The following AHCYL2 variants were observed in gnomAD, a reference collection of about 807,000 sequenced individuals.
AHCYL2 encodes the protein S-adenosylhomocysteine hydrolase-like protein 2.
Under a neutral mutation model 81.4 loss-of-function variants are expected in AHCYL2, and 28 were observed. The ratio of observed to expected loss-of-function variants is 0.34; its 90% CI spans 0.25 to 0.47. The LOEUF (loss-of-function observed/expected upper bound fraction) is 0.47, where lower values mean the gene tolerates loss of function less well. AHCYL2 is among the 20% of genes least tolerant of loss of function. The pLI is 1.00. For missense variants in AHCYL2, 551 were observed against 785.1 expected (o/e 0.70, Z 3.56); for synonymous variants, 272 against 290.2 (o/e 0.94, Z 0.64).
intron 4 of AHCYL2, among the ~76,000 whole-genome samples, chr7:129,391,967 C>A (rs1329302862): frequency 2.0e-5 from 3 of 152,174 alleles, no homozygotes; most frequent in Non-Finnish European, 4.4e-5. Flanking sequence ...CCTGCTCAGT[C>A]AGCGACATGA....
chr7:129,372,714 T>G (rs1229678712), intron 1 of AHCYL2, among the ~76,000 whole-genome samples: 1 of 152,074 alleles, frequency 6.6e-6, no homozygotes, highest in Non-Finnish European at 1.5e-5. Context: ...CTCAGGAGGC[T>G]GAGGCAAGAG....
At chr7:129,330,328 A>G (rs146811228) in intron 1 of AHCYL2, among the ~76,000 whole-genome samples, 2,042 of 152,146 alleles carry the variant, frequency 0.013, 57 homozygotes, top group African/African-American at 0.046. Flanking sequence ...ATAGTGAAAA[A>G]TGGAAACAAT....
chr7:129,242,869 C>T (rs892328336), intron 1 of AHCYL2, among the ~76,000 whole-genome samples: 10 of 152,066 alleles, frequency 6.6e-5, no homozygotes, highest in African/African-American at 2.2e-4. Flanking sequence ...CAGGTAGTAT[C>T]TCTGTTGTTT....
At chr7:129,334,543 G>A (rs1798528041) in intron 1 of AHCYL2, among the ~76,000 whole-genome samples, 1 of 152,118 alleles carries the variant, frequency 6.6e-6, no homozygotes, top group Non-Finnish European at 1.5e-5. Flanking sequence ...TATCTACCTT[G>A]CCGGAAGCTC....
Position 129,422,889 on chromosome 7 carries a change from T to G in AHCYL2, c.1511T>G (p.Val504Gly). The G allele has an allele frequency of 6.2e-7, 1 of 1,614,168 alleles. No homozygotes were observed. The highest frequency in any genetic ancestry group is 8.5e-7 in the Non-Finnish European group (1 of 1,180,022). ...ACCTGGGAGCGAGTGAGATCTCAAG[T>G]TGACCATGTGATATGGCCTGATGGC... is the stretch of plus-strand genomic sequence containing the variant. Reference protein sequence around the residue: ...ELTWERVRSQVDHVIWPDGKR... With the variant: ...ELTWERVRSQGDHVIWPDGKR... Residue 504 changes from valine (V) to glycine (G), a missense_variant, in exon 13 of 17, where the codon GTT (valine) becomes GGT (glycine). By Grantham distance (109) the Val-to-Gly change is moderately radical. This residue lies in a region of AHCYL2 where 316 missense variants were observed against 543.1 expected (regional missense o/e 0.58). Transcript: ENST00000325006.
At chr7:129,381,195 C>A (rs926908539) in intron 2 of AHCYL2, among the ~76,000 whole-genome samples, 2 of 152,100 alleles carry the variant, frequency 1.3e-5, no homozygotes, top group Non-Finnish European at 2.9e-5. Flanking sequence ...AAGATTGATA[C>A]TAAATAATAA....
intron 1 of AHCYL2, among the ~76,000 whole-genome samples, chr7:129,313,663 G>A (rs964602353): frequency 6.6e-6 from 1 of 152,122 alleles, no homozygotes; most frequent in Admixed American, 6.6e-5. Flanking sequence ...CAAAAGGATC[G>A]TTTCCAGAGG....
chr7:129,325,901 C>T (rs1022610284), intron 1 of AHCYL2, among the ~76,000 whole-genome samples: 1 of 151,920 alleles, frequency 6.6e-6, no homozygotes, highest in African/African-American at 2.4e-5. Flanking sequence ...GGCGGGATTT[C>T]ACCATGTTGG....
intron 13 of AHCYL2, 61 bp downstream of exon 13, chr7:129,422,999 C>T: frequency 2.9e-6 from 4 of 1,398,480 alleles, no homozygotes; most frequent in Non-Finnish European, 4.0e-6. Flanking sequence ...TACCCAGGTC[C>T]CCTCCTCCTC....
Position 129,368,285 on chromosome 7 carries a change from A to G in AHCYL2, c.364-11353A>G, listed in dbSNP as rs1053454057. 1.4e-6 allele frequency: 2 copies of G among 1,419,600 alleles called. No homozygotes were observed. Among genetic ancestry groups the G allele is most frequent in the African/African-American group, 1.4e-5 (1 of 69,296 alleles). The allele number at this position is 1,419,600 out of a possible 1,614,324, so 87.9% of individuals were successfully genotyped here. ...TTGAAATCAGACACAGAAGGCTTTG[A>G]AGCCGGCCAGTAAGGGGTTGTCAGG... On this transcript the variant is annotated intron_variant, in intron 1 of 16. Transcript: ENST00000325006. The surrounding 1 kb of genome is among the most constrained non-coding windows in gnomAD (Gnocchi z 4.4).
chr7:129,241,508 T>G (rs1326670900), intron 1 of AHCYL2, among the ~76,000 whole-genome samples: 3 of 152,098 alleles, frequency 2.0e-5, no homozygotes, highest in African/African-American at 7.2e-5. Flanking sequence ...GGAGAATCAC[T>G]TTAACTCGGG....
intron 2 of AHCYL2, among the ~76,000 whole-genome samples, chr7:129,380,740 TG>T: frequency 6.6e-6 from 1 of 152,140 alleles, no homozygotes; most frequent in South Asian, 2.1e-4. Flanking sequence ...ACCTTTTTTG[TG>T]GGGTAGCACA....
intron 1 of AHCYL2, among the ~76,000 whole-genome samples, chr7:129,362,597 G>GTTTTTTTTTTTTTTT (rs769346623): frequency 6.3e-5 from 4 of 63,646 alleles, no homozygotes; most frequent in Non-Finnish European, 6.1e-5. Context: ...TGGTTTTCTT[G>GTTTTTTTTTTTTTTT]TTTTTTTTTT....
chr7:129,401,278 C>T (rs1584884980), intron 6 of AHCYL2, among the ~76,000 whole-genome samples: 2 of 151,556 alleles, frequency 1.3e-5, no homozygotes, highest in South Asian at 2.1e-4. Flanking sequence ...TGCAGTGAGC[C>T]GAGATCACAC....
chr7:129,346,810 A>G (rs1793377193), intron 1 of AHCYL2, among the ~76,000 whole-genome samples: 1 of 152,226 alleles, frequency 6.6e-6, no homozygotes, highest in Non-Finnish European at 1.5e-5. Flanking sequence ...GAAAACTTAT[A>G]TCCACACAAA....
intron 1 of AHCYL2, among the ~76,000 whole-genome samples, chr7:129,360,693 A>G (rs1212363564): frequency 6.6e-6 from 1 of 152,126 alleles, no homozygotes; most frequent in Non-Finnish European, 1.5e-5. Flanking sequence ...TAATCTATAA[A>G]TTTTGAAAGA....
At chr7:129,342,204 A>ACT (rs1439538549) in intron 1 of AHCYL2, among the ~76,000 whole-genome samples, 1 of 152,196 alleles carries the variant, frequency 6.6e-6, no homozygotes, top group African/African-American at 2.4e-5. Context: ...ACTTGTTGGT[A>ACT]TCATCATTCA....
At chr7:129,320,075 A>T (rs1428536190) in intron 1 of AHCYL2, among the ~76,000 whole-genome samples, 1 of 152,126 alleles carries the variant, frequency 6.6e-6, no homozygotes, top group Non-Finnish European at 1.5e-5. Context: ...AGTCGTTCTA[A>T]TGGGTGTGTA....
intron 1 of AHCYL2, among the ~76,000 whole-genome samples, chr7:129,267,282 C>T (rs1292856501): frequency 3.8e-5 from 4 of 106,438 alleles, no homozygotes; most frequent in Non-Finnish European, 8.8e-5. Flanking sequence ...CACCCTCCAA[C>T]TTATTGAGTT....
Sources: gnomAD v4.1 joint callset for allele counts (sites outside exome capture counted in the v4.1 genomes callset) on GRCh38, gnomAD v4.1.1 for gene constraint, gnomAD v4.1.1 regional missense constraint, Gnocchi (gnomAD v3.1) non-coding constraint, MANE v1.5 for transcripts, NCBI Gene and HGNC (gene_info 2026-07-23, HGNC 2026-07-21) for gene names.